ADAM32: variants seen among roughly 807,000 people sequenced by gnomAD.
The protein encoded by ADAM32 is ADAM metallopeptidase domain 32, also known as disintegrin and metalloproteinase domain-containing protein 32.
Under a neutral mutation model 114.9 loss-of-function variants are expected in ADAM32, and 89 were observed. The ratio of observed to expected loss-of-function variants is 0.77; its 90% confidence interval spans 0.65 to 0.92. The LOEUF is 0.92. Ranked by LOEUF, ADAM32 falls within the 40% of genes least tolerant of loss-of-function variation. The probability of loss-of-function intolerance (pLI) is 0.00; values close to 1 mark genes in which losing one functional copy is unlikely to be tolerated. For missense variants in ADAM32, 870 were observed against 932.8 expected, an observed-to-expected ratio of 0.93 and a Z score of 0.88; for synonymous variants, 285 against 307.5, an observed-to-expected ratio of 0.93 and a Z score of 0.77.
In ADAM32 at chr8:39,211,167, T is replaced by G; in HGVS notation, c.1076T>G (p.Phe359Cys). ...EVVQSNGVKT[F>C]SSCSLRSFQN... ...AGGCAATCCAATGGTGTGAAGACTT[T>G]TAGCAGTTGCAGTTTGAGGAGCTTT... Residue 359 changes from phenylalanine (F) to cysteine (C), a missense_variant, in exon 12 of 25, where the codon TTT becomes TGT. By Grantham distance (205) the Phe-to-Cys change is radical. Transcript: ENST00000379907. The G allele has an allele frequency of 6.3e-7, 1 of 1,598,648 alleles. No individual in the cohort carries two copies. The highest frequency in any genetic ancestry group is 8.5e-7 in the Non-Finnish European group (1 of 1,173,708).
At chr8:39,253,034 G>T (rs761700705) in intron 17 of ADAM32, among the ~76,000 whole-genome samples, 2 of 151,578 alleles carry the variant, frequency 1.3e-5, no homozygotes, top group Non-Finnish European at 3.0e-5. Context: ...CTACAAACAT[G>T]CATGCAAAAA....
chr8:39,158,651 C>T (rs1459433740), intron 6 of ADAM32: 3 of 183,948 alleles, frequency 1.6e-5, no homozygotes, highest in African/African-American at 7.1e-5. Context: ...GTTTCCAAGG[C>T]AGGAAGCCCG....
In ADAM32 at chr8:39,169,992, G is replaced by T. The variant is rs1306445621; in HGVS notation, c.910G>T (p.Ala304Ser). Residue 304 changes from alanine (A) to serine (S), a missense_variant, in exon 10 of 25, where the codon GCA becomes TCA. Physicochemically the swap from Ala to Ser is moderately conservative, Grantham distance 99 (BLOSUM62 1). Transcript: ENST00000379907. The stretch of plus-strand genomic sequence containing the variant: ...TATTACTCGTTATTCTGCAGGAGTT[G>T]CATTGGTATGTAACTATTTAATCTT... The part of the protein sequence containing the change: ...MCITRYSAGV[A>S]LYPKEITLEA... The T allele has an allele frequency of 6.3e-7, 1 of 1,581,662 alleles. No homozygotes were observed. The highest frequency in any genetic ancestry group is 8.6e-7 in the Non-Finnish European group (1 of 1,156,974).
intron 11 of ADAM32, among the ~76,000 whole-genome samples, chr8:39,191,116 G>A (rs553082274): frequency 7.2e-5 from 11 of 152,292 alleles, no homozygotes; most frequent in African/African-American, 2.4e-4. Flanking sequence ...GTATTCCGTG[G>A]TGTGCGTGTA....
intron 19 of ADAM32, among the ~76,000 whole-genome samples, chr8:39,259,910 A>G (rs1484349241): frequency 5.3e-5 from 8 of 152,210 alleles, no homozygotes. Flanking sequence ...TAATACAACT[A>G]AAGATCTTAT....
intron 2 of ADAM32, chr8:39,130,820 A>G: frequency 2.2e-6 from 1 of 453,502 alleles, no homozygotes; most frequent in South Asian, 1.6e-5. Flanking sequence ...AATCATGAAG[A>G]ATATTAATTA....
chr8:39,267,793 A>C (rs1283635443), intron 19 of ADAM32, among the ~76,000 whole-genome samples: 4 of 152,222 alleles, frequency 2.6e-5, no homozygotes, highest in Non-Finnish European at 4.4e-5. Flanking sequence ...TAACTTGAAA[A>C]GTGCAGGAAT....
At chr8:39,280,564 A>G (rs926387697) in intron 22 of ADAM32, among the ~76,000 whole-genome samples, 1 of 152,194 alleles carries the variant, frequency 6.6e-6, no homozygotes, top group Non-Finnish European at 1.5e-5. Flanking sequence ...AACCTCTGCT[A>G]TCTTGATACT....
intron 3 of ADAM32, among the ~76,000 whole-genome samples, chr8:39,140,304 C>T (rs1474741436): frequency 6.6e-6 from 1 of 151,992 alleles, no homozygotes; most frequent in Non-Finnish European, 1.5e-5. Flanking sequence ...TCATAAATAG[C>T]TGTTATTATT....
intron 19 of ADAM32, among the ~76,000 whole-genome samples, chr8:39,261,569 C>T (rs894711865): frequency 1.3e-5 from 2 of 152,140 alleles, no homozygotes; most frequent in African/African-American, 4.8e-5. Context: ...TGGATAAATA[C>T]CCAGTGGTGT....
intron 17 of ADAM32, among the ~76,000 whole-genome samples, chr8:39,247,243 G>GT (rs1476662352): frequency 5.3e-5 from 8 of 152,138 alleles, no homozygotes; most frequent in African/African-American, 1.9e-4. Flanking sequence ...GTATCATATC[G>GT]TAAGAGTATG....
At chr8:39,258,756 T>C (rs1447819894) in intron 19 of ADAM32, among the ~76,000 whole-genome samples, 2 of 152,206 alleles carry the variant, frequency 1.3e-5, no homozygotes, top group Admixed American at 1.3e-4. Flanking sequence ...TGATACTTTG[T>C]CTTCTGTGAG....
At chr8:39,139,808 A>G (rs1010049261) in intron 3 of ADAM32, among the ~76,000 whole-genome samples, 1 of 152,318 alleles carries the variant, frequency 6.6e-6, no homozygotes, top group African/African-American at 2.4e-5. Context: ...ATCTATGAGC[A>G]TGGAATGTTC....
chr8:39,221,027 G>T (rs1808924748), intron 12 of ADAM32: 3 of 150,954 alleles, frequency 2.0e-5, no homozygotes, highest in Non-Finnish European at 4.4e-5. Flanking sequence ...AGGTATTATT[G>T]TAATTTATTC....
intron 7 of ADAM32, among the ~76,000 whole-genome samples, chr8:39,164,206 A>G (rs1289903117): frequency 6.6e-6 from 1 of 152,230 alleles, no homozygotes; most frequent in African/African-American, 2.4e-5. Flanking sequence ...GTGATTTCAC[A>G]CACATTGCAT....
intron 10 of ADAM32, among the ~76,000 whole-genome samples, chr8:39,182,584 C>G (rs1469160052): frequency 6.6e-6 from 1 of 152,194 alleles, no homozygotes; most frequent in Non-Finnish European, 1.5e-5. Context: ...TCATCATTAA[C>G]TGTAGTTACC....
At chr8:39,256,403 T>C (rs77280716) in intron 18 of ADAM32, among the ~76,000 whole-genome samples, 8,158 of 152,108 alleles carry the variant, frequency 0.054, 751 homozygotes, top group African/African-American at 0.19. Context: ...AAGATTTTAC[T>C]CTGAAGGAGT....
At chr8:39,130,956 C>CTTTTTTTTTT (rs71218310) in intron 2 of ADAM32, 15 of 330,006 alleles carry the variant, frequency 4.5e-5, no homozygotes, top group Admixed American at 8.6e-5. Flanking sequence ...AGGAGGATGT[C>CTTTTTTTTTT]TTTTTTTTTT....
chr8:39,150,041 T>G (rs867619054), intron 5 of ADAM32, among the ~76,000 whole-genome samples, 174 bp downstream of exon 5: 1 of 152,184 alleles, frequency 6.6e-6, no homozygotes, highest in Admixed American at 6.5e-5. Context: ...CTTTCCTCAG[T>G]GACCAGAGAC....
Sources: allele counts gnomAD v4.1 joint callset (sites outside exome capture counted in the v4.1 genomes callset), GRCh38; gene constraint gnomAD v4.1.1; transcripts MANE v1.5; gene names NCBI Gene and HGNC (gene_info 2026-07-23, HGNC 2026-07-21).